Variants in HDAC4 observed in about 807,000 individuals in gnomAD.
HDAC4 encodes the protein histone deacetylase A.
In HDAC4, 16 loss-of-function variants were observed where a neutral mutation model predicts 135.1. That is an observed-to-expected ratio of 0.12 (90% confidence interval 0.08 to 0.18). The LOEUF (loss-of-function observed/expected upper bound fraction) is 0.18, where lower values mean the gene tolerates loss of function less well. HDAC4 is among the 10% of genes least tolerant of loss of function. HDAC4 has a pLI of 1.00. For synonymous variants in HDAC4, 685 were observed against 653.4 expected, an observed-to-expected ratio of 1.05 and a Z score of -0.74; for missense variants, 1,143 against 1,511.8, an observed-to-expected ratio of 0.76 and a Z score of 4.05.
intron 2 of HDAC4, among the ~76,000 whole-genome samples, chr2:239,253,640 G>A (rs929677894): frequency 6.6e-6 from 1 of 152,194 alleles, no homozygotes; most frequent in Non-Finnish European, 1.5e-5. Flanking sequence ...AGGATCCCTC[G>A]CTTCCCACTG....
At chr2:239,064,115 C>T (rs1354182179) in intron 24 of HDAC4, among the ~76,000 whole-genome samples, 1 of 152,162 alleles carries the variant, frequency 6.6e-6, no homozygotes, top group Non-Finnish European at 1.5e-5. Flanking sequence ...GAGGAACACA[C>T]AGCTGACGCG....
chr2:239,363,354 T>C (rs915944426), intron 1 of HDAC4, among the ~76,000 whole-genome samples: 5 of 152,222 alleles, frequency 3.3e-5, no homozygotes, highest in Admixed American at 2.6e-4. Context: ...AGAAACAAGC[T>C]TGGGGGACTC....
At chr2:239,177,240 A>C (rs1012077394) in intron 4 of HDAC4, among the ~76,000 whole-genome samples, 5 of 152,218 alleles carry the variant, frequency 3.3e-5, no homozygotes, top group African/African-American at 1.2e-4. Context: ...AAGAGGCAAG[A>C]CTGAAAGACC....
At chr2:239,071,776 T>C (rs1370080158) in intron 22 of HDAC4, among the ~76,000 whole-genome samples, 1 of 152,200 alleles carries the variant, frequency 6.6e-6, no homozygotes, top group African/African-American at 2.4e-5. Flanking sequence ...GCAGCTGATC[T>C]GGACGCTGTG....
intron 1 of HDAC4, among the ~76,000 whole-genome samples, chr2:239,391,991 G>A (rs1225436923): frequency 6.6e-6 from 1 of 152,232 alleles, no homozygotes; most frequent in African/African-American, 2.4e-5. Flanking sequence ...ACTGCACATG[G>A]TTGGTTGTGA....
At chr2:239,391,903 AGAACGCAGCCCGCGT>A (rs6147245) in intron 1 of HDAC4, among the ~76,000 whole-genome samples, 67,554 of 151,946 alleles carry the variant, frequency 0.44, 15,940 homozygotes, top group East Asian at 0.83. Context: ...GAACTTCGTC[AGAACGCAGCCCGCGT>A]GTGCTGAAGC....
intron 3 of HDAC4, among the ~76,000 whole-genome samples, chr2:239,230,046 C>G (rs1024083633): frequency 1.3e-5 from 2 of 152,100 alleles, no homozygotes; most frequent in African/African-American, 4.8e-5. Context: ...GCTGCTATCC[C>G]AGAGTCAGGG....
intron 16 of HDAC4, 133 bp downstream of exon 16, chr2:239,102,643 C>A: frequency 1.0e-6 from 1 of 989,596 alleles, no homozygotes; most frequent in South Asian, 1.4e-5. Context: ...GAAAGGTTCC[C>A]TTTCAGGCCC....
At chr2:239,276,674 G>A (rs1015529964) in intron 2 of HDAC4, among the ~76,000 whole-genome samples, 9 of 151,452 alleles carry the variant, frequency 5.9e-5, no homozygotes, top group East Asian at 1.9e-4. Flanking sequence ...GCCTGCTGCC[G>A]GAACACTGCC....
intron 16 of HDAC4, among the ~76,000 whole-genome samples, chr2:239,099,401 GC>G (rs1387259646): frequency 1.3e-5 from 2 of 152,356 alleles, no homozygotes; most frequent in Admixed American, 1.3e-4. Flanking sequence ...GCCTGCTGAA[GC>G]CCCTGCTGTG....
At chr2:239,170,310 T>A (rs2043371021) in intron 5 of HDAC4, among the ~76,000 whole-genome samples, 1 of 152,246 alleles carries the variant, frequency 6.6e-6, no homozygotes. Context: ...AGTTATAACA[T>A]TCATTACATT....
chr2:239,054,634 A>G, intron 25 of HDAC4, 115 bp downstream of exon 25: 3 of 764,446 alleles, frequency 3.9e-6, no homozygotes, highest in Non-Finnish European at 7.2e-6. Flanking sequence ...GGCCTGGGGA[A>G]GCAGCCGGCA....
At chr2:239,172,830 T>G (rs1434309272) in intron 5 of HDAC4, among the ~76,000 whole-genome samples, 1 of 151,954 alleles carries the variant, frequency 6.6e-6, no homozygotes, top group Non-Finnish European at 1.5e-5. Context: ...GAGGACATCA[T>G]TAAAGGTCTG....
At chr2:239,274,018 G>A (rs188747734) in intron 2 of HDAC4, among the ~76,000 whole-genome samples, 276 of 152,334 alleles carry the variant, frequency 1.8e-3, no homozygotes, top group Non-Finnish European at 3.1e-3. Context: ...CCTGCATGAC[G>A]GTAGAACTGC....
chr2:239,276,300 C>T (rs750595085), intron 2 of HDAC4, among the ~76,000 whole-genome samples: 8 of 152,204 alleles, frequency 5.3e-5, no homozygotes, highest in Non-Finnish European at 1.0e-4. Context: ...GGGGAGAAGG[C>T]GTCAAGTCGT....
chr2:239,161,866 T>G (rs963622911), intron 6 of HDAC4: 1 of 373,674 alleles, frequency 2.7e-6, no homozygotes. Context: ...AGCACGTCCC[T>G]CAGCGCCCTG....
intron 6 of HDAC4, among the ~76,000 whole-genome samples, chr2:239,160,450 C>T (rs527670417): frequency 6.6e-6 from 1 of 152,216 alleles, no homozygotes; most frequent in African/African-American, 2.4e-5. Flanking sequence ...CACGTAAACA[C>T]CCACAGAGTC....
chr2:239,155,463 A>C (rs1048902605), intron 7 of HDAC4: 2 of 152,638 alleles, frequency 1.3e-5, no homozygotes, highest in African/African-American at 4.8e-5. Flanking sequence ...GACATGGCCG[A>C]CCTGATATAG....
intron 24 of HDAC4, 130 bp downstream of exon 24, chr2:239,066,592 C>T (rs1045109218): frequency 2.3e-5 from 28 of 1,220,072 alleles, no homozygotes; most frequent in Non-Finnish European, 2.8e-5. Flanking sequence ...AGGTGCAAGG[C>T]GGAGCTGCAA....
Sources: gnomAD v4.1 joint callset for allele counts (sites outside exome capture counted in the v4.1 genomes callset) on GRCh38, gnomAD v4.1.1 for gene constraint, MANE v1.5 for transcripts, NCBI Gene and HGNC (gene_info 2026-07-23, HGNC 2026-07-21) for gene names.